Variants in EXOC6B observed in about 807,000 individuals in gnomAD.
The protein encoded by EXOC6B is SEC15 homolog B.
A neutral mutation model predicts 113.5 loss-of-function variants in EXOC6B; 54 were observed. The observed-to-expected ratio is 0.48, with a 90% CI of 0.38 to 0.60. The LOEUF (loss-of-function observed/expected upper bound fraction) is 0.60. EXOC6B is among the 20% of genes least tolerant of loss of function. The probability of loss-of-function intolerance (pLI) is 0.00; values close to 1 mark genes in which losing one functional copy is unlikely to be tolerated. For missense variants in EXOC6B, 797 were observed against 977.5 expected (o/e 0.82, Z 2.46); for synonymous variants, 357 against 339.0 (o/e 1.05, Z -0.58).
At chr2:72,434,401 A>C (rs1264348385) in intron 18 of EXOC6B, among the ~76,000 whole-genome samples, 1 of 152,204 alleles carries the variant, frequency 6.6e-6, no homozygotes, top group Non-Finnish European at 1.5e-5. Flanking sequence ...TCATCATATC[A>C]GGATGATGTT....
At chr2:72,304,695 A>T (rs773841518) in intron 20 of EXOC6B, among the ~76,000 whole-genome samples, 26 of 152,176 alleles carry the variant, frequency 1.7e-4, no homozygotes, top group Non-Finnish European at 2.2e-4. Context: ...AATACTCTTC[A>T]TGGTATGAAA....
intron 18 of EXOC6B, among the ~76,000 whole-genome samples, chr2:72,453,814 T>C (rs529443667): frequency 6.6e-6 from 1 of 152,314 alleles, no homozygotes; most frequent in East Asian, 1.9e-4. Context: ...ACGTATTGTA[T>C]TAGTCTGTTC....
chr2:72,433,474 T>C (rs1259539516), intron 18 of EXOC6B, among the ~76,000 whole-genome samples: 1 of 152,216 alleles, frequency 6.6e-6, no homozygotes, highest in Non-Finnish European at 1.5e-5. Flanking sequence ...GGAGTAGCAT[T>C]CAATGTATAA....
At chr2:72,503,506 T>A (rs1700439033) in intron 11 of EXOC6B, among the ~76,000 whole-genome samples, 6 of 152,182 alleles carry the variant, frequency 3.9e-5, no homozygotes, top group Admixed American at 3.9e-4. Context: ...GGTTCCTCTG[T>A]GTCTTTTCAT....
At chr2:72,551,551 C>A (rs1333124415) in intron 8 of EXOC6B, among the ~76,000 whole-genome samples, 21 of 148,542 alleles carry the variant, frequency 1.4e-4, no homozygotes, top group South Asian at 1.3e-3. Context: ...GTCCCCCAGG[C>A]TGGAGTGCAG....
At chr2:72,338,396 C>A (rs1688819922) in intron 19 of EXOC6B, among the ~76,000 whole-genome samples, 1 of 152,036 alleles carries the variant, frequency 6.6e-6, no homozygotes, top group Non-Finnish European at 1.5e-5. Flanking sequence ...AAACACTGTT[C>A]TATATCAAGA....
chr2:72,369,290 A>T (rs978646697), intron 19 of EXOC6B, among the ~76,000 whole-genome samples: 3 of 152,170 alleles, frequency 2.0e-5, no homozygotes, highest in African/African-American at 4.8e-5. Context: ...AATACCTAGG[A>T]ATCCAACTTA....
At chr2:72,300,987 C>A (rs1686484748) in intron 20 of EXOC6B, among the ~76,000 whole-genome samples, 1 of 152,134 alleles carries the variant, frequency 6.6e-6, no homozygotes, top group Admixed American at 6.5e-5. Flanking sequence ...CATCTTGCCA[C>A]CTCAGCTCTT....
At chr2:72,614,969 A>G (rs889566239) in intron 6 of EXOC6B, among the ~76,000 whole-genome samples, 10 of 152,172 alleles carry the variant, frequency 6.6e-5, no homozygotes, top group African/African-American at 2.4e-4. Context: ...AGACTACACC[A>G]TAGAAGTAAG....
At chr2:72,559,132 C>T (rs769177116) in intron 8 of EXOC6B, among the ~76,000 whole-genome samples, 1 of 152,070 alleles carries the variant, frequency 6.6e-6, no homozygotes, top group African/African-American at 2.4e-5. Context: ...AACATTTTCA[C>T]AAATACTATT....
rs903081474 is a variant in EXOC6B at position 72,535,518 on chromosome 2, T to A, written c.916-20392A>T. On this transcript the variant is annotated intron_variant, in intron 8 of 21. Coordinates refer to ENST00000272427, the MANE Select transcript of EXOC6B (RefSeq NM_015189.3). ...ACCACTTTTTGTGTGGCCTGACGTG[T>A]GCATTAAAGGCCTTAAAAAGAATTG... Among the ~76,000 whole-genome samples, 5 of 152,156 alleles carry A rather than the reference T, an allele frequency of 3.3e-5. No homozygotes were observed. The East Asian group carries it at 9.6e-4, about 29-fold the overall frequency.
At chr2:72,541,209 A>T (rs957495068) in intron 8 of EXOC6B, among the ~76,000 whole-genome samples, 1 of 152,154 alleles carries the variant, frequency 6.6e-6, no homozygotes, top group African/African-American at 2.4e-5. Flanking sequence ...TGCCACTGCC[A>T]TGTAAGAAGT....
chr2:72,551,753 C>G (rs561938978), intron 8 of EXOC6B, among the ~76,000 whole-genome samples: 1 of 152,220 alleles, frequency 6.6e-6, no homozygotes, highest in Non-Finnish European at 1.5e-5. Flanking sequence ...GCCTCGGCCT[C>G]CCAAAGTGCT....
intron 8 of EXOC6B, chr2:72,515,709 C>T (rs1361075625): frequency 1.0e-6 from 1 of 988,010 alleles, no homozygotes; most frequent in Non-Finnish European, 1.2e-6. Flanking sequence ...ATGAGAAGTG[C>T]TCTACATAAT....
intron 8 of EXOC6B, among the ~76,000 whole-genome samples, chr2:72,528,335 T>C (rs1354353296): frequency 6.6e-6 from 1 of 152,100 alleles, no homozygotes; most frequent in African/African-American, 2.4e-5. Flanking sequence ...TGTGTTGAAT[T>C]ATTTTTGTCT....
chr2:72,628,845 G>T (rs1217877162), intron 6 of EXOC6B, among the ~76,000 whole-genome samples: 1 of 152,136 alleles, frequency 6.6e-6, no homozygotes, highest in Non-Finnish European at 1.5e-5. Flanking sequence ...AGCCAGAAAT[G>T]ACTAAGGCAG....
In EXOC6B at chr2:72,247,254, G is replaced by A. The variant is rs576186376; in HGVS notation, c.2197-63067C>T. Among the ~76,000 whole-genome samples the A allele has an allele frequency of 2.0e-5, 3 of 152,302 alleles. 1 individual carries two copies. The South Asian group carries it at 6.2e-4, about 32-fold the overall frequency. ...TTCCCATCGCAGAAATGAAGAAGTG[G>A]AAAGGCAAGACATGGGCAGACCCTG... On this transcript the variant is annotated intron_variant, in intron 20 of 21. Coordinates refer to ENST00000272427, the MANE Select transcript of EXOC6B (RefSeq NM_015189.3).
chr2:72,717,398 T>C (rs1475665510), intron 6 of EXOC6B, among the ~76,000 whole-genome samples: 1 of 152,188 alleles, frequency 6.6e-6, no homozygotes, highest in Non-Finnish European at 1.5e-5. Flanking sequence ...CTTGTATTTG[T>C]TGCTGTAGGC....
At chr2:72,205,566 G>A (rs1679789182) in intron 20 of EXOC6B, among the ~76,000 whole-genome samples, 1 of 152,102 alleles carries the variant, frequency 6.6e-6, no homozygotes, top group Non-Finnish European at 1.5e-5. Flanking sequence ...ATAGGCGCTG[G>A]CCAGCAAAGC....
Sources: allele counts gnomAD v4.1 joint callset (sites outside exome capture counted in the v4.1 genomes callset), GRCh38; gene constraint gnomAD v4.1.1; transcripts MANE v1.5; gene names NCBI Gene and HGNC (gene_info 2026-07-23, HGNC 2026-07-21).